Variants in FBXO4 observed in about 807,000 individuals in gnomAD.
FBXO4 encodes F-box protein 4.
A neutral mutation model predicts 43.7 loss-of-function variants in FBXO4; 36 were observed. The ratio of observed to expected loss-of-function variants is 0.82; its 90% CI spans 0.63 to 1.09. FBXO4 has a LOEUF of 1.09. Ranked by LOEUF, FBXO4 falls within the 50% of genes least tolerant of loss-of-function variation. The pLI is 0.00. For synonymous variants in FBXO4, 180 were observed against 165.6 expected, an observed-to-expected ratio of 1.09 and a Z score of -0.67; for missense variants, 435 against 474.1, an observed-to-expected ratio of 0.92 and a Z score of 0.77.
the FBXO4 span, among the ~76,000 whole-genome samples, chr5:42,029,014 T>A: frequency 6.6e-6 from 1 of 152,044 alleles, no homozygotes; most frequent in South Asian, 2.1e-4. Flanking sequence ...TGTGTTTTTC[T>A]GCATGCTTAC....
At chr5:41,947,620 G>A in the FBXO4 span, among the ~76,000 whole-genome samples, 1 of 152,160 alleles carries the variant, frequency 6.6e-6, no homozygotes, top group Non-Finnish European at 1.5e-5. Flanking sequence ...CCTAGTATAG[G>A]CTAGAAGTAC....
chr5:41,967,948 C>T, the FBXO4 span: 1 of 510,260 alleles, frequency 2.0e-6, no homozygotes, highest in Non-Finnish European at 4.1e-6. Flanking sequence ...ATGGCAGAGA[C>T]TTGCAGGAGT....
chr5:42,039,814 G>C, the FBXO4 span, among the ~76,000 whole-genome samples: 1 of 152,102 alleles, frequency 6.6e-6, no homozygotes, highest in Non-Finnish European at 1.5e-5. Flanking sequence ...GATTATACTA[G>C]TGGGGCTAAT....
At chr5:41,999,480 CATATATAT>C in the FBXO4 span, among the ~76,000 whole-genome samples, 18 of 114,944 alleles carry the variant, frequency 1.6e-4, no homozygotes, top group Non-Finnish European at 2.5e-4. Context: ...TATATATACA[CATATATAT>C]ATATACATAT....
the FBXO4 span, among the ~76,000 whole-genome samples, chr5:41,998,363 A>G: frequency 6.6e-6 from 1 of 152,310 alleles, no homozygotes; most frequent in African/African-American, 2.4e-5. Flanking sequence ...TTAAGGGTGT[A>G]TCTCCTGAAC....
chr5:41,934,528 G>C (rs2112579829), intron 5 of FBXO4: 4 of 1,369,988 alleles, frequency 2.9e-6, no homozygotes, highest in African/African-American at 2.9e-5. Flanking sequence ...TCCTACCCTG[G>C]TGGATTTTAT....
chr5:42,017,749 A>G, the FBXO4 span, among the ~76,000 whole-genome samples: 1 of 150,816 alleles, frequency 6.6e-6, no homozygotes, highest in Non-Finnish European at 1.5e-5. Flanking sequence ...AGGGCCATCC[A>G]TGTTGCTGCA....
chr5:42,031,005 T>A, the FBXO4 span, among the ~76,000 whole-genome samples: 1 of 152,206 alleles, frequency 6.6e-6, no homozygotes, highest in Admixed American at 6.5e-5. Context: ...TTTGCACTGT[T>A]GGTGGGACTG....
chr5:41,993,622 T>G, the FBXO4 span, among the ~76,000 whole-genome samples: 11 of 148,996 alleles, frequency 7.4e-5, no homozygotes, highest in Non-Finnish European at 1.6e-4. Flanking sequence ...TAATAGGATA[T>G]ATATATATAT....
the FBXO4 span, among the ~76,000 whole-genome samples, chr5:41,994,375 G>A: frequency 6.6e-6 from 1 of 152,212 alleles, no homozygotes; most frequent in Non-Finnish European, 1.5e-5. Flanking sequence ...TACAGTCCTT[G>A]TGTTCTGCAG....
At chr5:42,013,476 A>G in the FBXO4 span, among the ~76,000 whole-genome samples, 1 of 152,132 alleles carries the variant, frequency 6.6e-6, no homozygotes, top group African/African-American at 2.4e-5. Context: ...ACCATTCCCA[A>G]ACCACTCAGG....
At chr5:42,032,658 A>C in the FBXO4 span, among the ~76,000 whole-genome samples, 1 of 152,186 alleles carries the variant, frequency 6.6e-6, no homozygotes, top group African/African-American at 2.4e-5. Flanking sequence ...GGGCAGGTCT[A>C]GAAATGCCAT....
the FBXO4 span, among the ~76,000 whole-genome samples, chr5:41,960,518 C>T: frequency 6.6e-6 from 1 of 152,128 alleles, no homozygotes; most frequent in Non-Finnish European, 1.5e-5. Flanking sequence ...TGTTGAGGTA[C>T]ATTTCTTCTA....
intron 5 of FBXO4, chr5:41,934,556 G>C: frequency 1.5e-6 from 2 of 1,356,904 alleles, no homozygotes; most frequent in Non-Finnish European, 1.9e-6. Flanking sequence ...TTTGGGTTGT[G>C]TGAATCAGAT....
At chr5:42,032,829 G>A in the FBXO4 span, among the ~76,000 whole-genome samples, 1 of 152,098 alleles carries the variant, frequency 6.6e-6, no homozygotes, top group African/African-American at 2.4e-5. Flanking sequence ...ACTACAGCTG[G>A]CACTGTGCTG....
chr5:41,937,367 A>C (rs1484447542), intron 5 of FBXO4, among the ~76,000 whole-genome samples: 1 of 152,142 alleles, frequency 6.6e-6, no homozygotes. Context: ...ATAAAGAGAA[A>C]TCTTTATAGT....
In FBXO4 at chr5:41,934,155, G is replaced by A. The variant is rs754714358; in HGVS notation, c.745G>A (p.Glu249Lys). 1 of 1,613,946 alleles carries A rather than the reference G, an allele frequency of 6.2e-7. No homozygotes were observed. Among genetic ancestry groups the A allele is most frequent in the Non-Finnish European group, 8.5e-7 (1 of 1,179,954 alleles). Residue 249 changes from glutamate (E) to lysine (K), a missense_variant, in exon 5 of 7, where the codon GAA becomes AAA. By Grantham distance (56) the Glu-to-Lys change is moderately conservative. Transcript: ENST00000281623. ...TTRKERDRAR[E>K]EHTSAVNKMF... Reference sequence around the variant, plus strand: ...TAGAAAGGAAAGAGATAGAGCAAGGGAAGAGCATACAAGTGCAGTTAACAA... The same window carrying A: ...TAGAAAGGAAAGAGATAGAGCAAGGAAAGAGCATACAAGTGCAGTTAACAA...
At chr5:42,031,448 G>A in the FBXO4 span, among the ~76,000 whole-genome samples, 18 of 143,504 alleles carry the variant, frequency 1.3e-4, no homozygotes, top group Middle Eastern at 6.8e-3. Context: ...ATCACACACC[G>A]GGGACTGTTG....
At chr5:41,968,262 C>A in the FBXO4 span, 1 of 173,422 alleles carries the variant, frequency 5.8e-6, no homozygotes, top group South Asian at 1.4e-4. Flanking sequence ...CGAGGGAGTT[C>A]AAAGGAACTG....
Sources: allele counts gnomAD v4.1 joint callset (sites outside exome capture counted in the v4.1 genomes callset), GRCh38; gene constraint gnomAD v4.1.1; transcripts MANE v1.5; gene names NCBI Gene and HGNC (gene_info 2026-07-23, HGNC 2026-07-21).